The following GALNTL6 variants were observed in gnomAD, a reference collection of about 807,000 sequenced individuals.
GALNTL6 encodes the protein polypeptide N-acetylgalactosaminyltransferase-like 6.
A neutral mutation model predicts 73.7 loss-of-function variants in GALNTL6; 46 were observed. The ratio of observed to expected loss-of-function variants is 0.62; its 90% CI spans 0.49 to 0.80. GALNTL6 has a LOEUF of 0.80. Among genes scored for constraint, GALNTL6 ranks in the 30% least tolerant of loss-of-function variants. The probability of loss-of-function intolerance (pLI) is 0.00; values close to 1 mark genes in which losing one functional copy is unlikely to be tolerated. For synonymous variants in GALNTL6, 259 were observed against 263.7 expected, an observed-to-expected ratio of 0.98 and a Z score of 0.17; for missense variants, 604 against 755.0, an observed-to-expected ratio of 0.80 and a Z score of 2.34.
At chr4:172,077,643 A>G (rs1277961392) in intron 2 of GALNTL6, among the ~76,000 whole-genome samples, 3 of 152,204 alleles carry the variant, frequency 2.0e-5, no homozygotes, top group African/African-American at 7.2e-5. Context: ...TGGAACTTAT[A>G]TTTAAAAGGG....
chr4:172,226,483 A>G (rs1736870352), intron 2 of GALNTL6, among the ~76,000 whole-genome samples: 1 of 152,000 alleles, frequency 6.6e-6, no homozygotes, highest in African/African-American at 2.4e-5. Flanking sequence ...TTTAATATAT[A>G]TCATTAATGC....
intron 3 of GALNTL6, among the ~76,000 whole-genome samples, chr4:172,261,828 A>G (rs1738268667): frequency 6.6e-6 from 1 of 151,266 alleles, no homozygotes; most frequent in Admixed American, 6.6e-5. Context: ...AATAATTTTT[A>G]AATTTCCATC....
chr4:172,755,875 AG>A (rs1310625286), intron 5 of GALNTL6, among the ~76,000 whole-genome samples: 3 of 152,174 alleles, frequency 2.0e-5, no homozygotes, highest in Non-Finnish European at 2.9e-5. Context: ...TATTTTCCTC[AG>A]TATCCTTATT....
intron 5 of GALNTL6, among the ~76,000 whole-genome samples, chr4:172,360,149 T>C (rs185824562): frequency 5.5e-4 from 84 of 152,320 alleles, no homozygotes; most frequent in African/African-American, 1.8e-3. Context: ...AGAAGTCACA[T>C]TGAGCAGCAA....
chr4:172,489,340 A>T lies in GALNTL6; in HGVS notation c.553+140651A>T, dbSNP rs188151562. On this transcript the variant is annotated intron_variant, in intron 5 of 12. Coordinates refer to ENST00000506823, the MANE Select transcript of GALNTL6 (RefSeq NM_001034845.3). ...AGCAAACCCATAAACAAATAGTGAG[A>T]TAATAGTTTTCAAGGAAAAAATAAG... Among the ~76,000 whole-genome samples the T allele has an allele frequency of 3.1e-3, 475 of 152,360 alleles. 2 individuals carry two copies. The highest frequency in any genetic ancestry group is 0.011 in the African/African-American group (441 of 41,586).
chr4:172,867,815 C>T (rs1031598593), intron 7 of GALNTL6, among the ~76,000 whole-genome samples: 5 of 152,126 alleles, frequency 3.3e-5, no homozygotes, highest in African/African-American at 1.2e-4. Context: ...AACATTATGA[C>T]CACACAGGGA....
At chr4:171,900,570 G>A (rs199705618) in intron 2 of GALNTL6, among the ~76,000 whole-genome samples, 17 of 151,468 alleles carry the variant, frequency 1.1e-4, no homozygotes, top group South Asian at 8.3e-4. Context: ...CACCCACCTC[G>A]GCTTCCCAAA....
intron 5 of GALNTL6, chr4:172,666,657 T>G (rs1251634162): frequency 6.6e-6 from 1 of 152,286 alleles, no homozygotes; most frequent in Non-Finnish European, 1.5e-5. Context: ...TTTAAAAAAC[T>G]TTTGTCTTCC....
intron 5 of GALNTL6, among the ~76,000 whole-genome samples, chr4:172,606,551 A>G (rs1738276729): frequency 7.7e-6 from 1 of 129,118 alleles, no homozygotes; most frequent in Non-Finnish European, 1.7e-5. Context: ...AAGGAAGTGT[A>G]TATATATATA....
intron 2 of GALNTL6, among the ~76,000 whole-genome samples, chr4:171,821,603 G>T (rs931586323): frequency 6.7e-6 from 1 of 149,318 alleles, no homozygotes; most frequent in Non-Finnish European, 1.5e-5. Context: ...AGGATTAAAC[G>T]CTTAGCATCT....
chr4:172,050,477 G>A (rs1286074833), intron 2 of GALNTL6, among the ~76,000 whole-genome samples: 1 of 152,164 alleles, frequency 6.6e-6, no homozygotes, highest in Non-Finnish European at 1.5e-5. Flanking sequence ...GGGGTGGGCA[G>A]AAAAGAACTT....
chr4:172,581,025 G>C (rs574890876), intron 5 of GALNTL6, among the ~76,000 whole-genome samples: 32 of 152,304 alleles, frequency 2.1e-4, no homozygotes, highest in Middle Eastern at 6.8e-3. Context: ...GCCTCCCAAA[G>C]TGCTGGGATT....
chr4:172,839,493 A>G (rs964670153), intron 7 of GALNTL6, among the ~76,000 whole-genome samples: 3 of 152,232 alleles, frequency 2.0e-5, no homozygotes, highest in Non-Finnish European at 4.4e-5. Context: ...TCATGGCCAC[A>G]TAGAGGTGTG....
intron 3 of GALNTL6, among the ~76,000 whole-genome samples, chr4:172,305,840 G>A (rs1434789608): frequency 2.0e-5 from 3 of 152,038 alleles, no homozygotes; most frequent in Non-Finnish European, 2.9e-5. Context: ...TATACCTTTA[G>A]AGAATCATTC....
At chr4:171,897,442 CA>C (rs1560830930) in intron 2 of GALNTL6, among the ~76,000 whole-genome samples, 1 of 152,140 alleles carries the variant, frequency 6.6e-6, no homozygotes, top group African/African-American at 2.4e-5. Flanking sequence ...AGCATAGATA[CA>C]AACACACACA....
chr4:172,656,348 T>G (rs1731011731), intron 5 of GALNTL6, among the ~76,000 whole-genome samples: 1 of 152,206 alleles, frequency 6.6e-6, no homozygotes, highest in South Asian at 2.1e-4. Flanking sequence ...TATGTGACCT[T>G]CAACCTTGGA....
intron 5 of GALNTL6, among the ~76,000 whole-genome samples, chr4:172,393,346 G>A (rs1743734984): frequency 6.6e-6 from 1 of 152,272 alleles, no homozygotes; most frequent in Admixed American, 6.5e-5. Context: ...TTGTCACAAA[G>A]TGCCTCCTCT....
intron 2 of GALNTL6, among the ~76,000 whole-genome samples, chr4:172,218,310 G>C (rs759361106): frequency 6.6e-6 from 1 of 152,054 alleles, no homozygotes; most frequent in Non-Finnish European, 1.5e-5. Flanking sequence ...CTTTGTTATG[G>C]AGAACCCTCT....
chr4:172,476,594 G>C (rs752176453), intron 5 of GALNTL6, among the ~76,000 whole-genome samples: 3 of 151,980 alleles, frequency 2.0e-5, no homozygotes, highest in Non-Finnish European at 2.9e-5. Context: ...ATAAGCAACC[G>C]CGTCATCGTA....
Sources: allele counts gnomAD v4.1 joint callset (sites outside exome capture counted in the v4.1 genomes callset), GRCh38; gene constraint gnomAD v4.1.1; transcripts MANE v1.5; gene names NCBI Gene and HGNC (gene_info 2026-07-23, HGNC 2026-07-21).